The following MKLN1 variants were observed in gnomAD, a reference collection of about 807,000 sequenced individuals.
The protein encoded by MKLN1 is muskelin.
Under a neutral mutation model 99.0 loss-of-function variants are expected in MKLN1, and 18 were observed. The ratio of observed to expected loss-of-function variants is 0.18; its 90% CI spans 0.13 to 0.27. MKLN1 has a LOEUF of 0.27. MKLN1 is among the 10% of genes least tolerant of loss of function. MKLN1 has a pLI of 1.00. For synonymous variants in MKLN1, 288 were observed against 293.2 expected, an observed-to-expected ratio of 0.98 and a Z score of 0.18; for missense variants, 621 against 875.9, an observed-to-expected ratio of 0.71 and a Z score of 3.67.
chr7:131,144,438 T>A (rs1352491926), intron 2 of MKLN1, among the ~76,000 whole-genome samples: 1 of 149,548 alleles, frequency 6.7e-6, no homozygotes, highest in Non-Finnish European at 1.5e-5. Flanking sequence ...GCCAAGATCA[T>A]GCCACTGCAC....
Position 131,495,781 on chromosome 7 carries a change from T to C in MKLN1, c.*8053T>C, listed in dbSNP as rs904518062. ...CCTGAACTCTGGGTGTAAAATGTTA[T>C]CCAGAAGCTATAGGGAGCTGCCTTG... On this transcript the variant is annotated 3_prime_UTR_variant, in exon 18 of 18. Transcript: ENST00000352689. 1 of 152,232 alleles carries C rather than the reference T, an allele frequency of 6.6e-6. No homozygotes were observed. The highest frequency in any genetic ancestry group is 1.5e-5 in the Non-Finnish European group (1 of 68,052). 9.4% of individuals were successfully genotyped at this position (152,232 alleles called of 1,614,324 possible). A position where few individuals can be genotyped will look rare whatever the true frequency, so the allele number is the denominator to read the frequency against.
At chr7:131,287,583 A>G (rs566843240) in intron 3 of MKLN1, among the ~76,000 whole-genome samples, 15 of 152,216 alleles carry the variant, frequency 9.9e-5, no homozygotes, top group African/African-American at 3.6e-4. Context: ...GTCCTCCTGA[A>G]CTTAATCACA....
intron 6 of MKLN1, among the ~76,000 whole-genome samples, chr7:131,406,267 A>C (rs1584706945): frequency 6.6e-6 from 1 of 151,830 alleles, no homozygotes; most frequent in East Asian, 1.9e-4. Flanking sequence ...CTTAAGAGAA[A>C]TATCTCCTAT....
rs1304776583 is a variant in MKLN1, at chr7:131,443,582, C to T, written c.1275C>T (p.Phe425=). The change falls in exon 11 of 18, where the codon TTC becomes TTT. Residue 425 remains phenylalanine (F), a synonymous_variant. Coordinates refer to ENST00000352689, the MANE Select transcript of MKLN1 (RefSeq NM_013255.5). Reference sequence around the variant, plus strand: ...ACAGCAGAGCCAGTGAACCACAATTCAGTGGCTTGTTTGCTTTCAACTGTC... The same window carrying T: ...ACAGCAGAGCCAGTGAACCACAATTTAGTGGCTTGTTTGCTTTCAACTGTC... ...VDDSRASEPQ[F]SGLFAFNCQC... 17 of 1,613,936 alleles carry T rather than the reference C, an allele frequency of 1.1e-5. No individual in the cohort carries two copies. The highest frequency in any genetic ancestry group is 1.3e-5 in the African/African-American group (1 of 74,924).
At chr7:131,145,376 C>G (rs148945499) in intron 2 of MKLN1, among the ~76,000 whole-genome samples, 1 of 152,158 alleles carries the variant, frequency 6.6e-6, no homozygotes, top group African/African-American at 2.4e-5. Flanking sequence ...GAAGATGAGT[C>G]AACACAGTGG....
intron 1 of MKLN1, among the ~76,000 whole-genome samples, chr7:131,348,836 C>G (rs375067905): frequency 1.3e-5 from 2 of 152,184 alleles, no homozygotes; most frequent in Admixed American, 6.5e-5. Flanking sequence ...AGAGAGAACA[C>G]TGACCTAGGA....
At chr7:131,206,534 A>AATTATTATTATTATT (rs559998648) in intron 3 of MKLN1, among the ~76,000 whole-genome samples, 7 of 148,350 alleles carry the variant, frequency 4.7e-5, no homozygotes, top group African/African-American at 1.7e-4. Flanking sequence ...GTATGTGTAT[A>AATTATTATTATTATT]ATTATTATTA....
chr7:131,493,460 G>A lies in MKLN1; in HGVS notation c.*5732G>A, dbSNP rs1807658783. 6.6e-6 allele frequency: 1 copy of A among 152,124 alleles called. No homozygotes were observed. Among genetic ancestry groups the A allele is most frequent in the African/African-American group, 2.4e-5 (1 of 41,426 alleles). The allele number at this position is 152,124 out of a possible 1,614,324, so 9.4% of individuals were successfully genotyped here. ...AAAATAATTTTGTTAATGAGATGCTGGGAAGAAGACTACCAAAAGGCCTCA... is the reference window on the plus strand; with the variant it reads ...AAAATAATTTTGTTAATGAGATGCTAGGAAGAAGACTACCAAAAGGCCTCA... On this transcript the variant is annotated 3_prime_UTR_variant, in exon 18 of 18. Coordinates refer to ENST00000352689, the MANE Select transcript of MKLN1 (RefSeq NM_013255.5).
intron 3 of MKLN1, among the ~76,000 whole-genome samples, chr7:131,291,587 TATATA>T (rs1292178995): frequency 0.029 from 4,314 of 147,148 alleles, 197 homozygotes; most frequent in African/African-American, 0.1. Flanking sequence ...TTATTATATA[TATATA>T]TATATATATA....
At chr7:131,216,291 C>A (rs1049859002) in intron 3 of MKLN1, among the ~76,000 whole-genome samples, 1 of 151,638 alleles carries the variant, frequency 6.6e-6, no homozygotes, top group African/African-American at 2.4e-5. Flanking sequence ...TGCGTGGTGG[C>A]GCACTCCTGT....
At position 131,399,353 on chromosome 7, in the gene MKLN1, T is replaced by G; in HGVS notation, c.623T>G (p.Met208Arg). The G allele has an allele frequency of 6.2e-7, 1 of 1,614,016 alleles. No homozygotes were observed. Among genetic ancestry groups the G allele is most frequent in the Non-Finnish European group, 8.5e-7 (1 of 1,179,922 alleles). ...ACCAAGATTGCACTGGAACATCCCATGTTAACAGATATTCATGACAAGCTG... is the reference window on the plus strand; with the variant it reads ...ACCAAGATTGCACTGGAACATCCCAGGTTAACAGATATTCATGACAAGCTG... The part of the protein sequence containing the change: ...KKTKIALEHP[M>R]LTDIHDKLVL... Residue 208 changes from methionine (M) to arginine (R), a missense_variant, in exon 6 of 18, where the codon ATG becomes AGG. Coordinates refer to ENST00000352689, the MANE Select transcript of MKLN1 (RefSeq NM_013255.5).
intron 1 of MKLN1, among the ~76,000 whole-genome samples, chr7:131,140,517 T>G (rs1293387913): frequency 6.6e-6 from 1 of 152,156 alleles, no homozygotes; most frequent in African/African-American, 2.4e-5. Flanking sequence ...TTAGTTCACA[T>G]GAACACTGAT....
intron 12 of MKLN1, among the ~76,000 whole-genome samples, chr7:131,453,162 T>C (rs1359368906): frequency 6.6e-6 from 1 of 152,212 alleles, no homozygotes; most frequent in African/African-American, 2.4e-5. Flanking sequence ...TATTTTATAT[T>C]TTTAGATATG....
chr7:131,448,161 G>A (rs1796072020), intron 12 of MKLN1, among the ~76,000 whole-genome samples: 1 of 152,184 alleles, frequency 6.6e-6, no homozygotes, highest in African/African-American at 2.4e-5. Context: ...CCGGGAGGTG[G>A]AGCTTGCAGT....
chr7:131,112,394 G>A (rs987343244), intron 1 of MKLN1, among the ~76,000 whole-genome samples: 2 of 152,162 alleles, frequency 1.3e-5, no homozygotes, highest in Non-Finnish European at 2.9e-5. Flanking sequence ...GAACCTTGAG[G>A]GAAATGATGG....
chr7:131,148,250 T>C (rs540377312), intron 2 of MKLN1, among the ~76,000 whole-genome samples: 1 of 152,294 alleles, frequency 6.6e-6, no homozygotes, highest in Admixed American at 6.5e-5. Context: ...TCCTAGGCTC[T>C]ATGGACTATG....
intron 12 of MKLN1, among the ~76,000 whole-genome samples, chr7:131,449,640 C>CT (rs1256538555): frequency 1.3e-5 from 2 of 151,554 alleles, no homozygotes; most frequent in African/African-American, 2.4e-5. Context: ...AAATTATTCT[C>CT]TTTTTTTCTG....
chr7:131,342,124 C>T (rs528072906), intron 1 of MKLN1, among the ~76,000 whole-genome samples: 15 of 150,020 alleles, frequency 1.0e-4, no homozygotes, highest in African/African-American at 1.7e-4. Flanking sequence ...ACTATGATTT[C>T]GTTATTGGAG....
chr7:131,131,719 T>G (rs1386587827), intron 1 of MKLN1, among the ~76,000 whole-genome samples: 1 of 152,168 alleles, frequency 6.6e-6, no homozygotes, highest in Non-Finnish European at 1.5e-5. Flanking sequence ...CCTGTTATGC[T>G]CAAATTTTTT....
Sources: allele counts gnomAD v4.1 joint callset (sites outside exome capture counted in the v4.1 genomes callset), GRCh38; gene constraint gnomAD v4.1.1; transcripts MANE v1.5; gene names NCBI Gene and HGNC (gene_info 2026-07-23, HGNC 2026-07-21).